PRC1: variants seen among roughly 807,000 people sequenced by gnomAD.
PRC1 encodes the protein anaphase spindle elongation 1 homolog.
A neutral mutation model predicts 91.2 loss-of-function variants in PRC1; 54 were observed. That is an observed-to-expected ratio of 0.59 (90% CI 0.48 to 0.74). PRC1 has a LOEUF of 0.74. Among genes scored for constraint, PRC1 ranks in the 30% least tolerant of loss-of-function variants. The pLI is 0.00. For missense variants in PRC1, 727 were observed against 746.2 expected (o/e 0.97, Z 0.30); for synonymous variants, 275 against 263.6 (o/e 1.04, Z -0.42).
Position 90,968,087 on chromosome 15 carries a change from G to T in PRC1, c.1792-885C>A, listed in dbSNP as rs72759305. 4,095 of 985,434 alleles carry T rather than the reference G, an allele frequency of 4.2e-3. 10 individuals are homozygous for T. The highest frequency in any genetic ancestry group is 4.7e-3 in the Non-Finnish European group (3,883 of 829,952). 61.0% of individuals were successfully genotyped at this position (985,434 alleles called of 1,614,324 possible). On this transcript the variant is annotated intron_variant, in intron 14 of 14. Coordinates refer to ENST00000394249, the MANE Select transcript of PRC1 (RefSeq NM_003981.4). Reference sequence around the variant, plus strand: ...TTACCGGCTTTGGTGCTGCCTGGTGGAGTCTATCAGCCATAGCAACCCAAA... The same window carrying T: ...TTACCGGCTTTGGTGCTGCCTGGTGTAGTCTATCAGCCATAGCAACCCAAA...
Position 90,976,686 on chromosome 15 carries a change from A to G in PRC1, c.1193T>C (p.Met398Thr). ...TAGCAACATTATTACCTTGGGCAGC[A>G]TTTTCTGGAGCTTGGCTCGTTGTTT... ...EEKQRAKLQK[M>T]LPKLEEELKA... The change falls in exon 9 of 15, where the codon ATG (methionine) becomes ACG (threonine). Residue 398 changes from methionine to threonine, a missense_variant. Met to Thr is a moderately conservative substitution (Grantham distance 81, BLOSUM62 -1). Coordinates refer to ENST00000394249, the MANE Select transcript of PRC1 (RefSeq NM_003981.4). 6.2e-7 allele frequency: 1 copy of G among 1,611,400 alleles called. No homozygotes were observed.
rs755562515 is a variant in PRC1, at chr15:90,986,999, C to G, written c.12-2174G>C. 4.0e-5 allele frequency among the ~76,000 whole-genome samples: 6 copies of G among 150,962 alleles called. 1 individual carries two copies. Among genetic ancestry groups the G allele is most frequent in the Non-Finnish European group, 8.8e-5 (6 of 67,908 alleles). On this transcript the variant is annotated intron_variant, in intron 1 of 14. Coordinates refer to ENST00000394249, the MANE Select transcript of PRC1 (RefSeq NM_003981.4). Reference sequence around the variant, plus strand: ...TCAAAAACAGGCAAAACTGGCCAGGCACGGTAGTTCACGCCTGTATTCCTA... The same window carrying G: ...TCAAAAACAGGCAAAACTGGCCAGGGACGGTAGTTCACGCCTGTATTCCTA...
chr15:90,984,541 A>G lies in PRC1; in HGVS notation c.144+152T>C, dbSNP rs1380967578. 10 of 1,241,746 alleles carry G rather than the reference A, an allele frequency of 8.1e-6. No individual in the cohort carries two copies. The African/African-American group carries it at 1.5e-4, about 19-fold the overall frequency. 76.9% of individuals were successfully genotyped at this position (1,241,746 alleles called of 1,614,324 possible). A position where few individuals can be genotyped will look rare whatever the true frequency, so the allele number is the denominator to read the frequency against. Reference sequence around the variant, plus strand: ...ACCGCACCCAGCCTCCTCAAATTTCAAGAAGGGACTTCAAAACCAAACCAA... The same window carrying G: ...ACCGCACCCAGCCTCCTCAAATTTCGAGAAGGGACTTCAAAACCAAACCAA... On this transcript the variant is annotated intron_variant, in intron 2 of 14. Transcript: ENST00000394249. The surrounding 1 kb of genome is among the most constrained non-coding windows in gnomAD (Gnocchi z 5.1).
At chr15:90,990,088 C>T (rs2039873951) in intron 1 of PRC1, among the ~76,000 whole-genome samples, 1 of 152,050 alleles carries the variant, frequency 6.6e-6, no homozygotes, top group Admixed American at 6.6e-5. Flanking sequence ...CCTGTAATCC[C>T]AGCACTTTGG....
At position 90,970,480 on chromosome 15, in the gene PRC1, T is replaced by C. The variant is rs752198964; in HGVS notation, c.1496A>G (p.Asn499Ser). The C allele has an allele frequency of 1.9e-5, 30 of 1,613,638 alleles. 1 individual carries two copies. The highest frequency in any genetic ancestry group is 3.3e-5 in the South Asian group (3 of 91,066). ...TCCAAAGATAGGCCGAATGCTACTA[T>C]TGGCCGTAGCATTGGACATGGTGGT... ...NTTTMSNATA[N>S]SSIRPIFGGT... is the part of the protein sequence containing the mutation. The change falls in exon 12 of 15, where the codon AAT becomes AGT. Residue 499 changes from asparagine (N) to serine (S), a missense_variant. Physicochemically the swap from Asn to Ser is conservative, Grantham distance 46. Coordinates refer to ENST00000394249, the MANE Select transcript of PRC1 (RefSeq NM_003981.4).
intron 1 of PRC1, among the ~76,000 whole-genome samples, chr15:90,992,432 T>G (rs1029557704): frequency 3.9e-5 from 6 of 152,208 alleles, no homozygotes; most frequent in Non-Finnish European, 5.9e-5. Flanking sequence ...TATTATTTTT[T>G]AAATAGAGAC....
chr15:90,967,400 G>A, intron 14 of PRC1, 198 bp from the exon 15 acceptor site: 1 of 590,132 alleles, frequency 1.7e-6, no homozygotes, highest in Admixed American at 3.0e-5. Flanking sequence ...GAGTGCATGT[G>A]CACGCATGCC....
At chr15:90,990,546 C>T (rs1044597577) in intron 1 of PRC1, among the ~76,000 whole-genome samples, 4 of 151,200 alleles carry the variant, frequency 2.6e-5, no homozygotes, top group Admixed American at 6.6e-5. Flanking sequence ...TTTGTAGTTG[C>T]GGCTGGGGAG....
chr15:90,994,108 C>CCGGGCCT (rs1367250336), intron 1 of PRC1, among the ~76,000 whole-genome samples: 1 of 151,896 alleles, frequency 6.6e-6, no homozygotes, highest in Admixed American at 6.6e-5. Flanking sequence ...GCCCCGGGCC[C>CCGGGCCT]CGGGCCTCGA....
intron 5 of PRC1, 134 bp from the exon 6 acceptor site, chr15:90,981,167 G>T: frequency 8.3e-7 from 1 of 1,201,592 alleles, no homozygotes; most frequent in Non-Finnish European, 1.2e-6. Context: ...ATGTTTTCAT[G>T]CCTCCTAAAC....
chr15:90,994,077 CT>C (rs1246432320), intron 1 of PRC1, among the ~76,000 whole-genome samples: 1 of 152,118 alleles, frequency 6.6e-6, no homozygotes, highest in Non-Finnish European at 1.5e-5. Context: ...AGCGCCAGCG[CT>C]GACCGCCTGG....
chr15:90,992,133 T>C (rs997364452), intron 1 of PRC1, among the ~76,000 whole-genome samples: 2 of 152,208 alleles, frequency 1.3e-5, no homozygotes, highest in African/African-American at 4.8e-5. Context: ...TCTTAGGTCT[T>C]TGCTCAGAGA....
intron 1 of PRC1, chr15:90,987,712 T>A (rs574353804): frequency 6.6e-6 from 1 of 152,282 alleles, no homozygotes; most frequent in South Asian, 2.1e-4. Flanking sequence ...CCGAGAAGCC[T>A]GCAGCAAATC....
At chr15:90,986,825 C>A (rs561089591) in intron 1 of PRC1, among the ~76,000 whole-genome samples, 105 of 150,302 alleles carry the variant, frequency 7.0e-4, no homozygotes, top group African/African-American at 2.5e-3. Context: ...AATTATACCT[C>A]AAATCTTTTC....
intron 7 of PRC1, 85 bp downstream of exon 7, chr15:90,980,157 A>C: frequency 2.1e-6 from 3 of 1,441,498 alleles, no homozygotes; most frequent in Non-Finnish European, 2.7e-6. Context: ...GGATTGTTTG[A>C]GCCTAGGAAC....
At chr15:90,968,414 C>A (rs1200306097) in intron 14 of PRC1, 4 of 985,254 alleles carry the variant, frequency 4.1e-6, no homozygotes, top group Non-Finnish European at 4.8e-6. Flanking sequence ...ACTCAATATC[C>A]CCTCAAGGGT....
At chr15:90,990,914 G>C (rs942406529) in intron 1 of PRC1, among the ~76,000 whole-genome samples, 7 of 151,692 alleles carry the variant, frequency 4.6e-5, no homozygotes, top group African/African-American at 1.7e-4. Context: ...GAGTAGCTGG[G>C]ACTACAGGCA....
At chr15:90,969,003 C>T in intron 14 of PRC1, 76 bp downstream of exon 14, 1 of 1,610,160 alleles carries the variant, frequency 6.2e-7, no homozygotes, top group South Asian at 1.1e-5. Context: ...TTAGTGTAGC[C>T]CTGTGCCCAG....
rs117553832 is a variant in PRC1, at chr15:90,979,298, C to T, written c.971-4G>A. 13,021 of 1,611,358 alleles carry T rather than the reference C, an allele frequency of 8.1e-3. 58 individuals carry two copies. Among genetic ancestry groups the T allele is most frequent in the Non-Finnish European group, 9.4e-3 (11,094 of 1,179,156 alleles). On this transcript the variant is annotated splice_polypyrimidine_tract_variant and splice_region_variant and intron_variant, in intron 7 of 14. Coordinates refer to ENST00000394249, the MANE Select transcript of PRC1 (RefSeq NM_003981.4). ...AGCAGACTTTCTGTGTAGTCCTCTG[C>T]AAAATATAGGCCCAGTAGTTTAAAA... is the stretch of plus-strand genomic sequence containing the variant.
Sources: gnomAD v4.1 joint callset for allele counts (sites outside exome capture counted in the v4.1 genomes callset) on GRCh38, gnomAD v4.1.1 for gene constraint, Gnocchi (gnomAD v3.1) non-coding constraint, MANE v1.5 for transcripts, NCBI Gene and HGNC (gene_info 2026-07-23, HGNC 2026-07-21) for gene names.